Variants in NPHP3 observed in about 807,000 individuals in gnomAD.
The protein encoded by NPHP3 is nephrocystin 3.
NPHP3 carries 123 observed loss-of-function variants against 171.9 expected under a neutral mutation model. The ratio of observed to expected loss-of-function variants is 0.72; its 90% confidence interval spans 0.62 to 0.83. The LOEUF is 0.83. NPHP3 is among the 40% of genes least tolerant of loss of function. The pLI is 0.00. For missense variants in NPHP3, 1,506 were observed against 1,591.9 expected, an observed-to-expected ratio of 0.95 and a Z score of 0.92; for synonymous variants, 558 against 579.2, an observed-to-expected ratio of 0.96 and a Z score of 0.52.
rs886044248 is a variant in NPHP3 at position 132,690,574 on chromosome 3, G to A, written c.2647C>T (p.His883Tyr). The change falls in exon 19 of 27, where the codon CAT becomes TAT. Residue 883 changes from histidine to tyrosine, a missense_variant. By Grantham distance (83) the His-to-Tyr change is moderately conservative. Around this residue, in one of 3 missense-constraint regions of NPHP3, gnomAD observed 569 missense variants for 648.1 expected, o/e 0.88. Transcript: ENST00000337331. ...FQQQGSKQKL[H>Y]DCLLNLFVSQ... ...ACAAAGAGATTAAGAAGGCAATCAT[G>A]CAGCTTCTGTTTACTTCCCTGCTGC... The A allele has an allele frequency of 2.5e-6, 4 of 1,613,478 alleles. No individual in the cohort carries two copies. The highest frequency in any genetic ancestry group is 3.4e-6 in the Non-Finnish European group (4 of 1,179,448).
intron 7 of NPHP3, among the ~76,000 whole-genome samples, chr3:132,707,322 G>C (rs1939781071): frequency 6.6e-6 from 1 of 152,072 alleles, no homozygotes; most frequent in African/African-American, 2.4e-5. Flanking sequence ...AAAGTAGCCA[G>C]GCATGGTGGC....
rs1939038791 is a variant in NPHP3, at chr3:132,681,831, A to G, written c.*79T>C. On this transcript the variant is annotated 3_prime_UTR_variant, in exon 27 of 27. Coordinates refer to ENST00000337331, the MANE Select transcript of NPHP3 (RefSeq NM_153240.5). Reference sequence around the variant, plus strand: ...GTAAAATTTCGTACAACATTTTTTTAAAGTTTCAAATTCAAATGTTCCAAA... The same window carrying G: ...GTAAAATTTCGTACAACATTTTTTTGAAGTTTCAAATTCAAATGTTCCAAA... 1 of 1,333,850 alleles carries G rather than the reference A, an allele frequency of 7.5e-7. No individual in the cohort carries two copies. Among genetic ancestry groups the G allele is most frequent in the Admixed American group, 1.8e-5 (1 of 57,088 alleles). 82.6% of individuals were successfully genotyped at this position (1,333,850 alleles called of 1,614,324 possible). A position where few individuals can be genotyped will look rare whatever the true frequency, so the allele number is the denominator to read the frequency against.
chr3:132,720,987 G>T (rs1389443160), intron 1 of NPHP3, among the ~76,000 whole-genome samples: 2 of 151,676 alleles, frequency 1.3e-5, no homozygotes, highest in Non-Finnish European at 2.9e-5. Flanking sequence ...GTGCAATCTC[G>T]GCTCACTGCA....
intron 9 of NPHP3, among the ~76,000 whole-genome samples, chr3:132,702,855 T>C (rs1248616879): frequency 6.6e-6 from 1 of 152,170 alleles, no homozygotes; most frequent in African/African-American, 2.4e-5. Context: ...AACAACTTAG[T>C]TCATGGTCCC....
At chr3:132,687,507 T>C (rs766950849) in intron 21 of NPHP3, among the ~76,000 whole-genome samples, 4 of 152,208 alleles carry the variant, frequency 2.6e-5, no homozygotes, top group Non-Finnish European at 5.9e-5. Context: ...TCTAGTCCTT[T>C]AAGTAGCTGA....
In NPHP3 at chr3:132,686,398, C is replaced by T. The variant is rs1326739037; in HGVS notation, c.3202-11G>A. The T allele has an allele frequency of 6.2e-7, 1 of 1,613,760 alleles. No individual in the cohort carries two copies. The stretch of plus-strand genomic sequence containing the variant: ...AAGGGCAAATCCGTACTGCAGCAAA[C>T]ATGAAAAATGAAAAGCAATCACTAA... On this transcript the variant is annotated splice_polypyrimidine_tract_variant and intron_variant, in intron 22 of 26. Transcript: ENST00000337331.
chr3:132,713,684 T>G (rs1939973314), intron 5 of NPHP3, among the ~76,000 whole-genome samples: 1 of 152,058 alleles, frequency 6.6e-6, no homozygotes, highest in Non-Finnish European at 1.5e-5. Flanking sequence ...CGATGATATA[T>G]CAGAACGCTA....
chr3:132,721,331 G>C (rs1384973838), intron 1 of NPHP3: 4 of 150,948 alleles, frequency 2.6e-5, no homozygotes, highest in African/African-American at 1.2e-4. Context: ...TACATCTAGA[G>C]AAGGTTTTCA....
intron 6 of NPHP3, among the ~76,000 whole-genome samples, chr3:132,710,380 T>C (rs1047664920): frequency 6.7e-6 from 1 of 148,586 alleles, no homozygotes; most frequent in Non-Finnish European, 1.5e-5. Flanking sequence ...AAACCAATAA[T>C]AGGGCCTAAG....
Position 132,683,499 on chromosome 3 carries a change from A to AGCTTTGTC in NPHP3, c.3595_3596insGACAAAGC (p.Leu1199Ter). ...TCGAATTTCAACAGCCAATTCATAC[A>AGCTTTGTC]AAGGTACAGCTTTGTCAAGTTTCCC... On this transcript the variant is annotated stop_gained and frameshift_variant, in exon 25 of 27. Transcript: ENST00000337331. LOFTEE classifies it high-confidence loss of function. The AGCTTTGTC allele has an allele frequency of 6.2e-7, 1 of 1,613,140 alleles. No homozygotes were observed. Among genetic ancestry groups the AGCTTTGTC allele is most frequent in the Non-Finnish European group, 8.5e-7 (1 of 1,179,280 alleles).
At position 132,684,560 on chromosome 3, in the gene NPHP3, C is replaced by T; in HGVS notation, c.3564G>A (p.Lys1188=). 1 of 1,613,864 alleles carries T rather than the reference C, an allele frequency of 6.2e-7. No individual in the cohort carries two copies. Among genetic ancestry groups the T allele is most frequent in the South Asian group, 1.1e-5 (1 of 91,064 alleles). Residue 1188 remains lysine, a synonymous_variant, in exon 24 of 27, where the codon AAG becomes AAA. Transcript: ENST00000337331. ...AATGTCAAAGCTTACTTACCATTTTCTTATACAAGATGGCAAGATGCTTCA... is the reference window on the plus strand; with the variant it reads ...AATGTCAAAGCTTACTTACCATTTTTTTATACAAGATGGCAAGATGCTTCA... ...YTVKHLAILY[K]KMGKLDKAVP... is the part of the protein sequence containing the mutation.
At chr3:132,691,763 T>C (rs1939305747) in intron 17 of NPHP3, among the ~76,000 whole-genome samples, 1 of 152,238 alleles carries the variant, frequency 6.6e-6, no homozygotes, top group South Asian at 2.1e-4. Flanking sequence ...TTTACTTCTA[T>C]GTGCTAAACA....
intron 4 of NPHP3, 121 bp from the exon 5 acceptor site, chr3:132,715,339 G>A (rs1940021157): frequency 1.2e-5 from 9 of 781,706 alleles, no homozygotes; most frequent in Non-Finnish European, 2.0e-5. Flanking sequence ...TGTTAATACT[G>A]CCATACCTTC....
chr3:132,713,232 C>T lies in NPHP3; in HGVS notation c.1012G>A (p.Ala338Thr). The change falls in exon 6 of 27, where the codon GCT becomes ACT. Residue 338 changes from alanine (A) to threonine (T), a missense_variant. Ala to Thr is a moderately conservative substitution (Grantham distance 58). Coordinates refer to ENST00000337331, the MANE Select transcript of NPHP3 (RefSeq NM_153240.5). ...TCAACATCTATTGGAAAATAAACAG[C>T]ATGGAAAAAATATCCCATTGTCTCG... ...MCETMGYFFH[A>T]VYFPIDVENQ... The T allele has an allele frequency of 6.2e-7, 1 of 1,601,014 alleles. No individual in the cohort carries two copies. The highest frequency in any genetic ancestry group is 8.5e-7 in the Non-Finnish European group (1 of 1,172,002).
chr3:132,701,787 C>A (rs748066869), intron 9 of NPHP3, among the ~76,000 whole-genome samples: 48 of 152,178 alleles, frequency 3.2e-4, no homozygotes, highest in Non-Finnish European at 5.9e-4. Flanking sequence ...CTTTGGGAGG[C>A]TGAGGCGGGT....
intron 7 of NPHP3, among the ~76,000 whole-genome samples, chr3:132,707,146 T>C (rs1939776153): frequency 6.6e-6 from 1 of 152,196 alleles, no homozygotes; most frequent in Non-Finnish European, 1.5e-5. Flanking sequence ...GCCTGTAATA[T>C]GTATTCTAAA....
rs1462040238 is a variant in NPHP3 at position 132,681,476 on chromosome 3, C to G, written c.*434G>C. The G allele has an allele frequency of 5.1e-6, 1 of 196,364 alleles. No homozygotes were observed. The highest frequency in any genetic ancestry group is 1.1e-5 in the Non-Finnish European group (1 of 94,994). 12.2% of individuals were successfully genotyped at this position (196,364 alleles called of 1,614,324 possible). ...AGAGACAGGGTTTCACCATGTTGGC[C>G]AGGCTGGTCTCCAACTCCTGGCCTC... On this transcript the variant is annotated 3_prime_UTR_variant, in exon 27 of 27. Coordinates refer to ENST00000337331, the MANE Select transcript of NPHP3 (RefSeq NM_153240.5).
intron 6 of NPHP3, among the ~76,000 whole-genome samples, chr3:132,710,047 T>C (rs776613053): frequency 6.6e-6 from 1 of 152,138 alleles, no homozygotes; most frequent in Non-Finnish European, 1.5e-5. Context: ...ATTCAAATAA[T>C]CTGGTGGAAC....
At chr3:132,701,821 G>A (rs1939615381) in intron 9 of NPHP3, among the ~76,000 whole-genome samples, 2 of 152,156 alleles carry the variant, frequency 1.3e-5, no homozygotes, top group Non-Finnish European at 2.9e-5. Context: ...AGGAGATCGA[G>A]AACATCCTGG....
Sources: allele counts gnomAD v4.1 joint callset (sites outside exome capture counted in the v4.1 genomes callset), GRCh38; gene constraint gnomAD v4.1.1; regional missense constraint gnomAD v4.1.1; transcripts MANE v1.5; gene names NCBI Gene and HGNC (gene_info 2026-07-23, HGNC 2026-07-21).